Variants in TTC39B observed in about 807,000 individuals in gnomAD.
The protein encoded by TTC39B is tetratricopeptide repeat protein 39B.
A neutral mutation model predicts 96.6 loss-of-function variants in TTC39B; 92 were observed. The observed-to-expected ratio is 0.95, with a 90% CI of 0.80 to 1.13. The LOEUF (loss-of-function observed/expected upper bound fraction) is 1.13. Ranked by LOEUF, TTC39B falls within the 50% of genes most tolerant of loss-of-function variation. The pLI is 0.00. For missense variants in TTC39B, 955 were observed against 809.3 expected (o/e 1.18, Z -2.18); for synonymous variants, 367 against 299.4 (o/e 1.23, Z -2.33).
intron 1 of TTC39B, among the ~76,000 whole-genome samples, chr9:15,292,324 A>G (rs10810372): frequency 0.49 from 75,146 of 152,058 alleles, 18,889 homozygotes; most frequent in East Asian, 0.67. Flanking sequence ...AGTCACAGCC[A>G]TTATAACACA....
At chr9:15,287,924 C>T (rs1317787210) in intron 1 of TTC39B, among the ~76,000 whole-genome samples, 14 of 115,310 alleles carry the variant, frequency 1.2e-4, no homozygotes, top group African/African-American at 2.6e-4. Context: ...CCAGCCTGGG[C>T]GACAGGGCGA....
At chr9:15,168,739 G>A (rs1216423275) in exon 20 of TTC39B, 1 of 152,228 alleles carries the variant, frequency 6.6e-6, no homozygotes, top group Non-Finnish European at 1.5e-5. Flanking sequence ...GTGAACCTGG[G>A]AGGAGGAGCT....
intron 10 of TTC39B, 52 bp downstream of exon 10, chr9:15,191,138 T>C: frequency 2.2e-6 from 3 of 1,349,432 alleles, no homozygotes; most frequent in South Asian, 2.4e-5. Flanking sequence ...TCATGTTCAA[T>C]AAATACTGTC....
chr9:15,186,205 ATG>A (rs1294318918), intron 15 of TTC39B, among the ~76,000 whole-genome samples: 10 of 152,196 alleles, frequency 6.6e-5, no homozygotes, highest in African/African-American at 2.4e-4. Flanking sequence ...AGTCAAGCTT[ATG>A]TTAGGTTAAT....
chr9:15,286,332 A>G (rs1392262561), intron 1 of TTC39B, among the ~76,000 whole-genome samples: 1 of 152,196 alleles, frequency 6.6e-6, no homozygotes, highest in Non-Finnish European at 1.5e-5. Context: ...GCAGTCTTGG[A>G]GACTACAGCC....
rs1438372410 is a variant in TTC39B, at chr9:15,188,013, A to ATATGCCTGCATC, written c.1341_1352dup (p.Ala450_Tyr451insTer). The ATATGCCTGCATC allele has an allele frequency of 6.2e-7, 1 of 1,612,476 alleles. No homozygotes were observed. The highest frequency in any genetic ancestry group is 2.2e-5 in the East Asian group (1 of 44,796). ...CTTTGCAAAGCAGATCTGAATAGTAATATGCCTGCATCCAGTTTTGTTGGA... is the reference window on the plus strand; with the variant it reads ...CTTTGCAAAGCAGATCTGAATAGTAATATGCCTGCATCTATGCCTGCATCCAGTTTTGTTGGA... On this transcript the variant is annotated stop_gained, in exon 14 of 20. Coordinates refer to ENST00000512701, the Ensembl canonical transcript of TTC39B. LOFTEE classifies it high-confidence loss of function.
At chr9:15,290,302 C>A (rs756787962) in intron 1 of TTC39B, among the ~76,000 whole-genome samples, 4 of 152,076 alleles carry the variant, frequency 2.6e-5, no homozygotes, top group Non-Finnish European at 5.9e-5. Context: ...ACTCATCATG[C>A]CAAAGAGAAA....
intron 1 of TTC39B, 40 bp from the exon 2 acceptor site, chr9:15,267,988 C>A: frequency 1.9e-6 from 3 of 1,582,786 alleles, no homozygotes; most frequent in Non-Finnish European, 2.6e-6. Context: ...CTCAAGAATT[C>A]TCAATGGGTT....
chr9:15,178,007 C>A (rs1257934174), intron 17 of TTC39B, among the ~76,000 whole-genome samples, 193 bp from the exon 18 acceptor site: 1 of 151,502 alleles, frequency 6.6e-6, no homozygotes, highest in African/African-American at 2.4e-5. Flanking sequence ...GTAGCTGGGA[C>A]TACAGGTGCC....
Position 15,176,685 on chromosome 9 carries a change from C to T in TTC39B, c.1841+1012G>A, listed in dbSNP as rs187419503. 1.7e-3 allele frequency among the ~76,000 whole-genome samples: 253 copies of T among 152,198 alleles called. 1 individual carries two copies. Among genetic ancestry groups the T allele is most frequent in the African/African-American group, 6.0e-3 (248 of 41,516 alleles). On this transcript the variant is annotated intron_variant, in intron 18 of 19. Coordinates refer to ENST00000512701, the Ensembl canonical transcript of TTC39B. ...TCGTGAAAAATGGTAGGGATTATTG[C>T]TATTGGGCCCACACTGTGCAAAGCA...
rs966419894 is a variant in TTC39B, at chr9:15,306,069, C to G, written c.240+1015G>C. 1.3e-5 allele frequency among the ~76,000 whole-genome samples: 2 copies of G among 152,174 alleles called. No homozygotes were observed. Among genetic ancestry groups the G allele is most frequent in the African/African-American group, 4.8e-5 (2 of 41,450 alleles). On this transcript the variant is annotated intron_variant, in intron 1 of 19. Coordinates refer to ENST00000512701, the Ensembl canonical transcript of TTC39B. The surrounding 1 kb of genome is among the most constrained non-coding windows in gnomAD (Gnocchi z 5.1). ...CTTCCTTGTCAGGAGATTCCTGGCA[C>G]TAAAGAGATGGACGGGAAACTTAAC... is the stretch of plus-strand genomic sequence containing the variant.
intron 6 of TTC39B, among the ~76,000 whole-genome samples, chr9:15,209,461 T>A (rs750122763): frequency 1.3e-5 from 2 of 152,168 alleles, no homozygotes; most frequent in African/African-American, 2.4e-5. Flanking sequence ...TTGAAAAAAA[T>A]GTTTAATAGC....
intron 19 of TTC39B, 29 bp from the exon 20 acceptor site, chr9:15,172,138 G>A (rs1473216370): frequency 6.4e-7 from 1 of 1,565,306 alleles, no homozygotes; most frequent in South Asian, 1.1e-5. Context: ...AAATTGTACA[G>A]TCAAAATTTC....
intron 4 of TTC39B, among the ~76,000 whole-genome samples, chr9:15,212,908 T>C (rs912653764): frequency 6.6e-6 from 1 of 152,178 alleles, no homozygotes; most frequent in Non-Finnish European, 1.5e-5. Flanking sequence ...TATTTAATAA[T>C]AGAGAAATTA....
At chr9:15,180,795 T>C (rs533388150) in intron 17 of TTC39B, among the ~76,000 whole-genome samples, 2 of 152,334 alleles carry the variant, frequency 1.3e-5, no homozygotes, top group East Asian at 3.9e-4. Flanking sequence ...GGAGATAATC[T>C]TGCATAAAAG....
At chr9:15,203,790 G>A in intron 7 of TTC39B, 33 bp downstream of exon 7, 1 of 1,586,988 alleles carries the variant, frequency 6.3e-7, no homozygotes, top group South Asian at 1.1e-5. Flanking sequence ...AGTCTTCCCA[G>A]CCAATACGAA....
rs541410337 is a variant in TTC39B at position 15,238,974 on chromosome 9, G to C, written c.276-12962C>G. 3.3e-5 allele frequency among the ~76,000 whole-genome samples: 5 copies of C among 152,260 alleles called. 1 individual carries two copies. The South Asian group carries it at 6.2e-4, about 19-fold the overall frequency. Reference sequence around the variant, plus strand: ...GCACTCAGCCCAGGTGACAGAGTGAGACCCTGTCTCAAAAATAAGAAAGTA... The same window carrying C: ...GCACTCAGCCCAGGTGACAGAGTGACACCCTGTCTCAAAAATAAGAAAGTA... On this transcript the variant is annotated intron_variant, in intron 2 of 19. Transcript: ENST00000512701.
intron 8 of TTC39B, among the ~76,000 whole-genome samples, chr9:15,196,342 G>C (rs1360768542): frequency 6.6e-6 from 1 of 152,132 alleles, no homozygotes; most frequent in Non-Finnish European, 1.5e-5. Flanking sequence ...ATGGATCCAG[G>C]GAAAGGAAAC....
chr9:15,180,846 C>G (rs1322730725), intron 17 of TTC39B, among the ~76,000 whole-genome samples: 1 of 152,200 alleles, frequency 6.6e-6, no homozygotes, highest in Non-Finnish European at 1.5e-5. Flanking sequence ...CATGAAATAT[C>G]TGGCAAAGGT....
Sources: allele counts gnomAD v4.1 joint callset (sites outside exome capture counted in the v4.1 genomes callset), GRCh38; gene constraint gnomAD v4.1.1; non-coding constraint Gnocchi (gnomAD v3.1); transcripts MANE v1.5; gene names NCBI Gene and HGNC (gene_info 2026-07-23, HGNC 2026-07-21).